Variants in SYT1 observed in about 807,000 individuals in gnomAD.
SYT1 encodes the protein synaptotagmin-1.
SYT1 carries 8 observed loss-of-function variants against 44.8 expected under a neutral mutation model. The ratio of observed to expected loss-of-function variants is 0.18; its 90% CI spans 0.10 to 0.32. The LOEUF (loss-of-function observed/expected upper bound fraction) is 0.32. Among genes scored for constraint, SYT1 ranks in the 10% least tolerant of loss-of-function variants. The pLI is 1.00. For missense variants in SYT1, 286 were observed against 509.3 expected (o/e 0.56, Z 4.22); for synonymous variants, 154 against 188.8 (o/e 0.82, Z 1.51).
chr12:78,879,426 T>A (rs1029394298), intron 1 of SYT1, among the ~76,000 whole-genome samples: 9 of 151,764 alleles, frequency 5.9e-5, no homozygotes, highest in Admixed American at 4.6e-4. Flanking sequence ...ACCACCTACA[T>A]GGCAGATCTA....
At chr12:78,903,675 G>A (rs947037470) in intron 1 of SYT1, among the ~76,000 whole-genome samples, 42 of 151,858 alleles carry the variant, frequency 2.8e-4, no homozygotes, top group African/African-American at 9.7e-4. Context: ...CTATAAAAAG[G>A]TTTTCTTTAT....
Position 79,221,726 on chromosome 12 carries a change from A to G in SYT1, c.166+4041A>G, listed in dbSNP as rs1440739459. On this transcript the variant is annotated intron_variant, in intron 4 of 10. Coordinates refer to ENST00000261205, the MANE Select transcript of SYT1 (RefSeq NM_005639.3). ...CACATTTTGAATTTTTTATGTCAAAATTTACATATTTTATATTGCATATTC... is the reference window on the plus strand; with the variant it reads ...CACATTTTGAATTTTTTATGTCAAAGTTTACATATTTTATATTGCATATTC... Among the ~76,000 whole-genome samples the G allele has an allele frequency of 3.3e-5, 5 of 152,124 alleles. No homozygotes were observed. The East Asian group carries it at 9.6e-4, about 29-fold the overall frequency.
chr12:78,924,600 A>G (rs544838561), intron 1 of SYT1, among the ~76,000 whole-genome samples: 15 of 148,566 alleles, frequency 1.0e-4, no homozygotes, highest in Non-Finnish European at 1.8e-4. Context: ...GTCATTACAT[A>G]TAATACATGT....
chr12:79,448,795 C>T, intron 10 of SYT1, 123 bp from the exon 11 acceptor site: 1 of 824,856 alleles, frequency 1.2e-6, no homozygotes, highest in Non-Finnish European at 2.0e-6. Context: ...TCATTTTCAT[C>T]CTCATCCTAG....
At chr12:78,910,402 G>A (rs1876249681) in intron 1 of SYT1, among the ~76,000 whole-genome samples, 1 of 151,648 alleles carries the variant, frequency 6.6e-6, no homozygotes, top group South Asian at 2.1e-4. Context: ...ACTAAACCTG[G>A]GTTAACTTTT....
chr12:79,445,990 CATATATATATATATATATAT>C lies in SYT1; in HGVS notation c.1062+1809_1062+1828del, dbSNP rs59721146. ...CTTCATGGAAACATTAATCCAAAGA[CATATATATATATATATATAT>C]ATATATATATATATATATATATATT... On this transcript the variant is annotated intron_variant, in intron 10 of 10. Transcript: ENST00000261205. Among the ~76,000 whole-genome samples, 53 of 44,152 alleles carry C rather than the reference CATATATATATATATATATAT, an allele frequency of 1.2e-3. 3 individuals are homozygous for C. Among genetic ancestry groups the C allele is most frequent in the South Asian group, 0.012 (11 of 940 alleles). The allele number at this position is 44,152 out of a possible 152,430, so 29.0% of individuals were successfully genotyped here.
chr12:79,415,620 C>T (rs988977875), intron 9 of SYT1, among the ~76,000 whole-genome samples: 5 of 152,164 alleles, frequency 3.3e-5, no homozygotes, highest in Non-Finnish European at 5.9e-5. Context: ...CAACAGTAGA[C>T]ATGCAGATTA....
chr12:79,055,980 T>G (rs1305853051), intron 3 of SYT1, among the ~76,000 whole-genome samples: 3 of 152,040 alleles, frequency 2.0e-5, no homozygotes, highest in African/African-American at 7.2e-5. Context: ...TCTGTTAAGA[T>G]GCACAGATAC....
intron 9 of SYT1, among the ~76,000 whole-genome samples, chr12:79,364,904 A>G (rs531359070): frequency 6.6e-6 from 1 of 152,282 alleles, no homozygotes; most frequent in Non-Finnish European, 1.5e-5. Flanking sequence ...TTTAGAGAAT[A>G]TTATGAACTT....
At chr12:78,879,272 C>A (rs117853069) in intron 1 of SYT1, among the ~76,000 whole-genome samples, 7 of 151,830 alleles carry the variant, frequency 4.6e-5, no homozygotes, top group Non-Finnish European at 8.8e-5. Flanking sequence ...GTGTTCAGTT[C>A]ATTCATTAAT....
At chr12:79,088,621 C>A (rs756009452) in intron 3 of SYT1, among the ~76,000 whole-genome samples, 3 of 151,920 alleles carry the variant, frequency 2.0e-5, no homozygotes, top group African/African-American at 4.8e-5. Context: ...CAAGAAGGAA[C>A]CTGATCTAAC....
At chr12:79,041,562 G>A (rs1041497735) in intron 2 of SYT1, among the ~76,000 whole-genome samples, 28 of 152,164 alleles carry the variant, frequency 1.8e-4, no homozygotes, top group African/African-American at 3.1e-4. Flanking sequence ...CAATCATGTC[G>A]TCTGCAAACA....
Position 79,058,693 on chromosome 12 carries a change from ATAACT to A in SYT1, c.-18+11335_-18+11339del, listed in dbSNP as rs1284140842. ...CACAATTGTTAATTTAAATAAACAA[ATAACT>A]TAAGGAATTTCTGGCAGTGTGGGGT... On this transcript the variant is annotated intron_variant, in intron 3 of 10. Transcript: ENST00000261205. 9.2e-5 allele frequency among the ~76,000 whole-genome samples: 14 copies of A among 152,176 alleles called. No homozygotes were observed. In the East Asian group the frequency reaches 1.5e-3, roughly 17 times the overall value.
At chr12:79,222,210 G>A (rs1592867188) in intron 4 of SYT1, among the ~76,000 whole-genome samples, 1 of 151,802 alleles carries the variant, frequency 6.6e-6, no homozygotes, top group East Asian at 1.9e-4. Context: ...TTCTCTTGCT[G>A]CTCTCAGGAT....
intron 3 of SYT1, among the ~76,000 whole-genome samples, chr12:79,172,255 A>G (rs968361496): frequency 6.6e-6 from 1 of 152,078 alleles, no homozygotes; most frequent in African/African-American, 2.4e-5. Flanking sequence ...CATAAAATGC[A>G]TACATTGAAT....
intron 1 of SYT1, among the ~76,000 whole-genome samples, chr12:78,941,055 CTTTTTT>C (rs1384559478): frequency 1.2e-3 from 105 of 86,050 alleles, no homozygotes; most frequent in African/African-American, 3.3e-3. Context: ...CTTTTTTTTT[CTTTTTT>C]TTTCTTTTTT....
At chr12:79,222,171 G>A (rs1224720171) in intron 4 of SYT1, among the ~76,000 whole-genome samples, 1 of 151,846 alleles carries the variant, frequency 6.6e-6, no homozygotes, top group Non-Finnish European at 1.5e-5. Flanking sequence ...TGGATGTATT[G>A]GAACTTCCTT....
intron 1 of SYT1, among the ~76,000 whole-genome samples, chr12:78,887,350 G>T (rs938943231): frequency 1.3e-5 from 2 of 151,794 alleles, no homozygotes; most frequent in East Asian, 2.0e-4. Context: ...CTTAATAATG[G>T]CCCAAATGCA....
chr12:79,273,785 G>A (rs911637263), intron 4 of SYT1, among the ~76,000 whole-genome samples: 2 of 152,228 alleles, frequency 1.3e-5, no homozygotes, highest in African/African-American at 4.8e-5. Context: ...CTTAGAGGTT[G>A]CCAGAAACTC....
Sources: gnomAD v4.1 joint callset for allele counts (sites outside exome capture counted in the v4.1 genomes callset) on GRCh38, gnomAD v4.1.1 for gene constraint, MANE v1.5 for transcripts, NCBI Gene and HGNC (gene_info 2026-07-23, HGNC 2026-07-21) for gene names.